Variants in PC observed in about 807,000 individuals in gnomAD.
PC encodes the protein pyruvate carboxylase, mitochondrial.
A neutral mutation model predicts 107.8 loss-of-function variants in PC; 46 were observed. The ratio of observed to expected loss-of-function variants is 0.43; its 90% CI spans 0.34 to 0.55. The LOEUF (loss-of-function observed/expected upper bound fraction) is 0.55. Ranked by LOEUF, PC falls within the 20% of genes least tolerant of loss-of-function variation. The pLI, the probability that PC is intolerant of heterozygous loss-of-function variation, is 0.04. For missense variants in PC, 1,241 were observed against 1,643.1 expected, an observed-to-expected ratio of 0.76 and a Z score of 4.23; for synonymous variants, 662 against 684.7, an observed-to-expected ratio of 0.97 and a Z score of 0.52.
intron 3 of PC, among the ~76,000 whole-genome samples, chr11:66,933,518 C>T (rs1311446867): frequency 3.9e-5 from 6 of 152,136 alleles, no homozygotes; most frequent in African/African-American, 1.2e-4. Context: ...CACTTTTCCC[C>T]GACCTCAGGT....
chr11:66,912,034 G>GAAAAGA (rs111723751), intron 3 of PC, among the ~76,000 whole-genome samples: 1 of 151,102 alleles, frequency 6.6e-6, no homozygotes, highest in Non-Finnish European at 1.5e-5. Context: ...CAAGAAAAAA[G>GAAAAGA]AAAGAAAAGA....
intron 3 of PC, among the ~76,000 whole-genome samples, chr11:66,918,622 C>T (rs1948519818): frequency 6.6e-6 from 1 of 152,060 alleles, no homozygotes; most frequent in Non-Finnish European, 1.5e-5. Context: ...ATCCGCCCAC[C>T]TCAGCCTCCC....
intron 12 of PC, 84 bp downstream of exon 12, chr11:66,863,690 G>A: frequency 7.0e-7 from 1 of 1,427,338 alleles, no homozygotes; most frequent in East Asian, 2.3e-5. Context: ...GAAGCCATGT[G>A]CAAGGCCCTT....
intron 3 of PC, among the ~76,000 whole-genome samples, chr11:66,917,888 G>C (rs1357827913): frequency 6.6e-6 from 1 of 152,126 alleles, no homozygotes; most frequent in Non-Finnish European, 1.5e-5. Context: ...GACCTCCATG[G>C]GCAGCCTAGA....
Position 66,851,940 on chromosome 11 carries a change from G to A in PC, c.1832C>T (p.Thr611Met), listed in dbSNP as rs757071897. Reference protein sequence around the residue: ...LFSMENWGGATFDVAMRFLYE... With the variant: ...LFSMENWGGAMFDVAMRFLYE... The stretch of plus-strand genomic sequence containing the variant: ...CAGGAAGCGCATGGCGACGTCAAAC[G>A]TGGCTCCTGCACAGGAACCGAGAGG... Residue 611 changes from threonine to methionine, a missense_variant, in exon 16 of 23, where the codon ACG (threonine) becomes ATG (methionine). Transcript: ENST00000393960. 8 of 1,613,942 alleles carry A rather than the reference G, an allele frequency of 5.0e-6. No homozygotes were observed. The highest frequency in any genetic ancestry group is 1.1e-5 in the South Asian group (1 of 91,086).
chr11:66,940,629 A>G (rs1376994975), intron 3 of PC, among the ~76,000 whole-genome samples: 1 of 152,042 alleles, frequency 6.6e-6, no homozygotes, highest in Non-Finnish European at 1.5e-5. Flanking sequence ...TCGAGGCTGC[A>G]GTGAGCCAAG....
At chr11:66,867,703 T>C (rs1177441507) in intron 10 of PC, among the ~76,000 whole-genome samples, 2 of 152,160 alleles carry the variant, frequency 1.3e-5, no homozygotes, top group East Asian at 1.9e-4. Flanking sequence ...ACAAAACCCG[T>C]GCTCCACAGC....
At position 66,866,676 on chromosome 11, in the gene PC, T is replaced by A. The variant is rs1410713959; in HGVS notation, c.1023-327A>T. The stretch of plus-strand genomic sequence containing the variant: ...CTGCTCCTCCCTGTACTCTGCCTCC[T>A]CCTTCCTTGAGGTCTGTTTTCCCCA... On this transcript the variant is annotated intron_variant, in intron 10 of 22. Transcript: ENST00000393960. The surrounding 1 kb of genome is among the most constrained non-coding windows in gnomAD (Gnocchi z 5.4). 1.3e-5 allele frequency among the ~76,000 whole-genome samples: 2 copies of A among 152,160 alleles called. No individual in the cohort carries two copies. The highest frequency in any genetic ancestry group is 2.9e-5 in the Non-Finnish European group (2 of 68,030).
intron 3 of PC, among the ~76,000 whole-genome samples, chr11:66,884,975 G>C (rs1381669221): frequency 6.6e-6 from 1 of 152,166 alleles, no homozygotes; most frequent in South Asian, 2.1e-4. Context: ...ACCCCTGCTG[G>C]AGAGCTTCAC....
At chr11:66,953,070 G>A (rs1444056427) in intron 2 of PC, among the ~76,000 whole-genome samples, 1 of 152,240 alleles carries the variant, frequency 6.6e-6, no homozygotes, top group Non-Finnish European at 1.5e-5. Context: ...GTGGCACCAT[G>A]CCTGGCACAG....
At chr11:66,935,391 C>G (rs1948971030) in intron 3 of PC, among the ~76,000 whole-genome samples, 1 of 152,210 alleles carries the variant, frequency 6.6e-6, no homozygotes, top group Non-Finnish European at 1.5e-5. Flanking sequence ...GAAAACCTTA[C>G]AGTCTTACTG....
At chr11:66,948,846 CAAAAAT>C (rs1274442432) in intron 3 of PC, among the ~76,000 whole-genome samples, 1 of 151,438 alleles carries the variant, frequency 6.6e-6, no homozygotes, top group Non-Finnish European at 1.5e-5. Context: ...TCAAAATAAA[CAAAAAT>C]AAACAAACAA....
In PC at chr11:66,859,845, G is replaced by A. The variant is rs571437023; in HGVS notation, c.1368+3929C>T. 27 of 1,567,602 alleles carry A rather than the reference G, an allele frequency of 1.7e-5. No homozygotes were observed. The highest frequency in any genetic ancestry group is 7.2e-5 in the South Asian group (6 of 83,292). On this transcript the variant is annotated intron_variant, in intron 12 of 22. Transcript: ENST00000393960. ...CCACGTGCTGGGCGGGACCCTGACC[G>A]TGGCCGTGGGGGGTGTGCTGGTGGC...
At chr11:66,949,561 G>T (rs894893360) in intron 3 of PC, among the ~76,000 whole-genome samples, 1 of 151,828 alleles carries the variant, frequency 6.6e-6, no homozygotes, top group African/African-American at 2.4e-5. Context: ...GCATGGTGGC[G>T]GGCGCCTGTA....
intron 3 of PC, among the ~76,000 whole-genome samples, chr11:66,899,140 G>A (rs1198121855): frequency 2.0e-5 from 3 of 152,116 alleles, no homozygotes; most frequent in Non-Finnish European, 2.9e-5. Context: ...AAAGTGCTGG[G>A]ATTACAGGGG....
chr11:66,890,501 C>CT (rs542659083), intron 3 of PC, among the ~76,000 whole-genome samples: 6,216 of 128,884 alleles, frequency 0.048, 215 homozygotes, highest in East Asian at 0.11. Context: ...GCAGTTTCAT[C>CT]TTTTTTTTTT....
At chr11:66,934,133 G>A (rs1027071013) in intron 3 of PC, among the ~76,000 whole-genome samples, 11 of 152,058 alleles carry the variant, frequency 7.2e-5, no homozygotes, top group Non-Finnish European at 1.3e-4. Context: ...GGGGGCACCC[G>A]CCTCCTACGA....
chr11:66,933,535 G>T (rs1193585517), intron 3 of PC, among the ~76,000 whole-genome samples: 1 of 152,114 alleles, frequency 6.6e-6, no homozygotes, highest in Non-Finnish European at 1.5e-5. Context: ...AGGTCTTGGA[G>T]TCAGCTCCCT....
chr11:66,918,516 G>T (rs1294855709), intron 3 of PC, among the ~76,000 whole-genome samples: 2 of 151,666 alleles, frequency 1.3e-5, no homozygotes, highest in African/African-American at 4.8e-5. Context: ...GGGATTACAT[G>T]CACGCGCCAC....
Sources: allele counts gnomAD v4.1 joint callset (sites outside exome capture counted in the v4.1 genomes callset), GRCh38; gene constraint gnomAD v4.1.1; non-coding constraint Gnocchi (gnomAD v3.1); transcripts MANE v1.5; gene names NCBI Gene and HGNC (gene_info 2026-07-23, HGNC 2026-07-21).